Variants in FBXW8 observed in about 807,000 individuals in gnomAD.
The protein encoded by FBXW8 is F-box/WD repeat-containing protein 8.
In FBXW8, 57 loss-of-function variants were observed where a neutral mutation model predicts 65.3. That is an observed-to-expected ratio of 0.87 (90% CI 0.71 to 1.09). The LOEUF is 1.09. Ranked by LOEUF, FBXW8 falls within the 50% of genes least tolerant of loss-of-function variation. FBXW8 has a pLI of 0.00. For synonymous variants in FBXW8, 308 were observed against 330.2 expected (o/e 0.93, Z 0.73); for missense variants, 777 against 814.8 (o/e 0.95, Z 0.57).
chr12:116,945,468 C>T lies in FBXW8; in HGVS notation c.528C>T (p.Cys176=), dbSNP rs766290090. ...ATAGCAGCATCTCTGACTATTCTTG[C>T]TGGAAGCTCATCTTCCAAGAGTGCC... ...LPDSSISDYS[C]WKLIFQECRA... The change falls in exon 3 of 11, where the codon TGC becomes TGT. Residue 176 remains cysteine (C), a synonymous_variant. Coordinates refer to ENST00000652555, the MANE Select transcript of FBXW8 (RefSeq NM_153348.3). 1.2e-5 allele frequency: 20 copies of T among 1,614,158 alleles called. No individual in the cohort carries two copies. The highest frequency in any genetic ancestry group is 1.6e-5 in the Non-Finnish European group (19 of 1,180,020).
At chr12:116,935,759 A>C (rs1882110820) in intron 2 of FBXW8, among the ~76,000 whole-genome samples, 1 of 152,210 alleles carries the variant, frequency 6.6e-6, no homozygotes, top group Non-Finnish European at 1.5e-5. Context: ...TTCCACAATT[A>C]AAAAGTTTAC....
At chr12:116,996,650 C>T (rs1223688236) in intron 7 of FBXW8, among the ~76,000 whole-genome samples, 1 of 151,986 alleles carries the variant, frequency 6.6e-6, no homozygotes, top group Non-Finnish European at 1.5e-5. Context: ...TTCATTTTTA[C>T]CTTAAACCTT....
chr12:117,024,033 G>A (rs1207721023), intron 8 of FBXW8, 114 bp from the exon 9 acceptor site: 39 of 1,060,812 alleles, frequency 3.7e-5, no homozygotes, highest in Non-Finnish European at 5.3e-5. Flanking sequence ...TTGCAGCTGA[G>A]GAGTTTTTCA....
rs573169738 is a variant in FBXW8 at position 116,922,934 on chromosome 12, C to T, written c.319-5089C>T. 1.8e-3 allele frequency among the ~76,000 whole-genome samples: 277 copies of T among 152,096 alleles called. 1 individual carries two copies. The highest frequency in any genetic ancestry group is 2.7e-3 in the Non-Finnish European group (187 of 68,008). Reference sequence around the variant, plus strand: ...CGCCTGAGAAAGAGGTGCTTGAGGCCGGGTGCAGTGGCTCATGCCTGTAAT... The same window carrying T: ...CGCCTGAGAAAGAGGTGCTTGAGGCTGGGTGCAGTGGCTCATGCCTGTAAT... On this transcript the variant is annotated intron_variant, in intron 1 of 10. Coordinates refer to ENST00000652555, the MANE Select transcript of FBXW8 (RefSeq NM_153348.3).
Position 116,911,291 on chromosome 12 carries a change from C to G in FBXW8, c.254C>G (p.Ser85Cys), listed in dbSNP as rs1879909529. Reference protein sequence around the residue: ...EGQDVASRSRSPLAREGAGGG... With the variant: ...EGQDVASRSRCPLAREGAGGG... ...CAGGACGTAGCGAGCCGCTCACGTT[C>G]TCCTCTGGCCCGCGAGGGCGCCGGG... is the stretch of plus-strand genomic sequence containing the variant. Residue 85 changes from serine to cysteine, a missense_variant, in exon 1 of 11, where the codon TCT becomes TGT. Ser to Cys is a moderately radical substitution (Grantham distance 112). Coordinates refer to ENST00000652555, the MANE Select transcript of FBXW8 (RefSeq NM_153348.3). The G allele has an allele frequency of 4.7e-6, 6 of 1,271,056 alleles. No individual in the cohort carries two copies. The South Asian group carries it at 1.1e-4, about 24-fold the overall frequency. 78.7% of individuals were successfully genotyped at this position (1,271,056 alleles called of 1,614,324 possible).
intron 4 of FBXW8, among the ~76,000 whole-genome samples, chr12:116,964,445 C>A (rs1009380623): frequency 8.5e-5 from 13 of 152,090 alleles, no homozygotes; most frequent in African/African-American, 3.1e-4. Flanking sequence ...ATCTTGCTAC[C>A]CATGTCTTAT....
At chr12:116,913,618 G>GGCT (rs768290044) in intron 1 of FBXW8, among the ~76,000 whole-genome samples, 17 of 152,152 alleles carry the variant, frequency 1.1e-4, no homozygotes, top group Admixed American at 2.0e-4. Context: ...ATGCTGGGTA[G>GGCT]GCTGCTGCTG....
At chr12:116,938,912 C>G (rs1477301300) in intron 2 of FBXW8, among the ~76,000 whole-genome samples, 5 of 152,172 alleles carry the variant, frequency 3.3e-5, no homozygotes, top group African/African-American at 1.2e-4. Flanking sequence ...GAGAAGTAGC[C>G]CCAGTCTGGG....
At chr12:117,011,716 G>T (rs114676577) in intron 8 of FBXW8, among the ~76,000 whole-genome samples, 1,544 of 152,280 alleles carry the variant, frequency 0.01, 22 homozygotes, top group African/African-American at 0.035. Flanking sequence ...GAGGAGAGGC[G>T]ATGTGGAGAG....
intron 2 of FBXW8, among the ~76,000 whole-genome samples, chr12:116,939,794 CATACT>C: frequency 6.6e-6 from 1 of 152,144 alleles, no homozygotes. Context: ...GGTTAGGGGA[CATACT>C]CTGCTCTGGG....
intron 7 of FBXW8, among the ~76,000 whole-genome samples, chr12:116,990,835 TG>T (rs1953221545): frequency 6.6e-6 from 1 of 152,134 alleles, no homozygotes; most frequent in Non-Finnish European, 1.5e-5. Flanking sequence ...ATTAATTTTG[TG>T]AAAAATCCTT....
At chr12:117,004,940 G>A (rs1565937577) in intron 7 of FBXW8, among the ~76,000 whole-genome samples, 1 of 152,146 alleles carries the variant, frequency 6.6e-6, no homozygotes, top group Non-Finnish European at 1.5e-5. Context: ...TTCTCTGATT[G>A]CTTATTAAAC....
In FBXW8 at chr12:116,961,355, C is replaced by A. The variant is rs1883974783; in HGVS notation, c.678-3342C>A. The stretch of plus-strand genomic sequence containing the variant: ...AATTTAATGTGCAGCCCAGGCTGGA[C>A]CCCACTGGGCTGGGAGGTGAGGAGG... On this transcript the variant is annotated intron_variant, in intron 4 of 10. Coordinates refer to ENST00000652555, the MANE Select transcript of FBXW8 (RefSeq NM_153348.3). This position sits in a 1 kb window ranked among gnomAD's most constrained non-coding sequence, Gnocchi z 4.4. 6.6e-6 allele frequency among the ~76,000 whole-genome samples: 1 copy of A among 152,038 alleles called. No individual in the cohort carries two copies. Among genetic ancestry groups the A allele is most frequent in the Admixed American group, 6.6e-5 (1 of 15,258 alleles).
chr12:117,007,522 A>G (rs905381221), intron 7 of FBXW8, among the ~76,000 whole-genome samples: 2 of 152,208 alleles, frequency 1.3e-5, no homozygotes, highest in African/African-American at 2.4e-5. Context: ...GTGCTTCTCT[A>G]ATATATACCT....
At chr12:117,011,639 G>GC (rs942103556) in intron 8 of FBXW8, among the ~76,000 whole-genome samples, 29 of 152,234 alleles carry the variant, frequency 1.9e-4, no homozygotes, top group African/African-American at 7.0e-4. Context: ...TTCAGGTTGA[G>GC]CTATACAGAG....
At chr12:116,943,736 T>C (rs1882755490) in intron 2 of FBXW8, among the ~76,000 whole-genome samples, 1 of 152,214 alleles carries the variant, frequency 6.6e-6, no homozygotes, top group African/African-American at 2.4e-5. Context: ...CCCAGGAATA[T>C]ATTGGAGCCT....
intron 1 of FBXW8, among the ~76,000 whole-genome samples, chr12:116,918,001 A>AC (rs1308686670): frequency 6.6e-6 from 1 of 151,086 alleles, no homozygotes; most frequent in Non-Finnish European, 1.5e-5. Flanking sequence ...CAAAAAAAAA[A>AC]AAACAAAAAA....
At chr12:116,971,423 G>A (rs1443627248) in intron 5 of FBXW8, among the ~76,000 whole-genome samples, 3 of 151,962 alleles carry the variant, frequency 2.0e-5, no homozygotes, top group Non-Finnish European at 4.4e-5. Context: ...CCTTTTTAGG[G>A]CGTTGAACTT....
At chr12:116,982,295 A>G (rs1019336421) in intron 5 of FBXW8, among the ~76,000 whole-genome samples, 4 of 152,224 alleles carry the variant, frequency 2.6e-5, no homozygotes, top group African/African-American at 9.6e-5. Context: ...ACAAGCGAAA[A>G]GATGGGAGAA....
Sources: gnomAD v4.1 joint callset for allele counts (sites outside exome capture counted in the v4.1 genomes callset) on GRCh38, gnomAD v4.1.1 for gene constraint, Gnocchi (gnomAD v3.1) non-coding constraint, MANE v1.5 for transcripts, NCBI Gene and HGNC (gene_info 2026-07-23, HGNC 2026-07-21) for gene names.